The following KIRREL2 variants were observed in gnomAD, a reference collection of about 807,000 sequenced individuals.
The protein encoded by KIRREL2 is kirre like nephrin family adhesion molecule 2.
A neutral mutation model predicts 73.4 loss-of-function variants in KIRREL2; 56 were observed. The observed-to-expected ratio is 0.76, with a 90% CI of 0.62 to 0.95. The LOEUF (loss-of-function observed/expected upper bound fraction) is 0.95, where lower values mean the gene tolerates loss of function less well. KIRREL2 is among the 40% of genes least tolerant of loss of function. The pLI is 0.00. For missense variants in KIRREL2, 896 were observed against 935.0 expected (o/e 0.96, Z 0.54); for synonymous variants, 407 against 404.0 (o/e 1.01, Z -0.09).
Position 35,866,806 on chromosome 19 carries a change from A to C in KIRREL2, c.*314A>C. 8.1e-6 allele frequency: 4 copies of C among 495,318 alleles called. No homozygotes were observed. Among genetic ancestry groups the C allele is most frequent in the Non-Finnish European group, 1.4e-5 (4 of 284,282 alleles). The allele number at this position is 495,318 out of a possible 1,614,324, so 30.7% of individuals were successfully genotyped here. ...TGTTGGGAGTTTGGGGCCGGGATGGAAGTTGTTTCTAGCCACTGAAAGAAG... is the reference window on the plus strand; with the variant it reads ...TGTTGGGAGTTTGGGGCCGGGATGGCAGTTGTTTCTAGCCACTGAAAGAAG... On this transcript the variant is annotated 3_prime_UTR_variant, in exon 15 of 15. Transcript: ENST00000360202.
chr19:35,860,934 G>T lies in KIRREL2; in HGVS notation c.954G>T (p.Pro318=). Reference sequence around the variant, plus strand: ...TTGGGCCGATTCTGCAGGCAAAGCCGGAGCCCGTGTCCGTGGACGTGGGGG... The same window carrying T: ...TTGGGCCGATTCTGCAGGCAAAGCCTGAGCCCGTGTCCGTGGACGTGGGGG... The part of the protein sequence containing the change: ...VLFGPILQAK[P]EPVSVDVGED... Residue 318 remains proline, a synonymous_variant, in exon 8 of 15, where the codon CCG becomes CCT. Transcript: ENST00000360202. 6.2e-7 allele frequency: 1 copy of T among 1,613,812 alleles called. No individual in the cohort carries two copies. The highest frequency in any genetic ancestry group is 1.1e-5 in the South Asian group (1 of 91,066).
At chr19:35,865,332 G>A (rs976900675) in intron 14 of KIRREL2, among the ~76,000 whole-genome samples, 2 of 151,866 alleles carry the variant, frequency 1.3e-5, no homozygotes, top group Non-Finnish European at 2.9e-5. Context: ...TGTATTTTTA[G>A]TAGAGATGGA....
chr19:35,864,288 C>G (rs1376495631), intron 13 of KIRREL2, among the ~76,000 whole-genome samples: 1 of 152,132 alleles, frequency 6.6e-6, no homozygotes, highest in East Asian at 1.9e-4. Flanking sequence ...CCTCCCAGTT[C>G]AAGTGATTCT....
At chr19:35,861,670 C>G (rs751789630) in intron 10 of KIRREL2, 29 bp downstream of exon 10, 3 of 1,605,004 alleles carry the variant, frequency 1.9e-6, no homozygotes, top group Non-Finnish European at 1.7e-6. Flanking sequence ...TCCCGTGACC[C>G]ATCCAGCCGT....
Position 35,862,018 on chromosome 19 carries a change from C to G in KIRREL2, c.1504C>G (p.Arg502Gly), listed in dbSNP as rs201818071. The G allele has an allele frequency of 6.2e-7, 1 of 1,606,866 alleles. No homozygotes were observed. The highest frequency in any genetic ancestry group is 8.5e-7 in the Non-Finnish European group (1 of 1,177,100). ...GGGAGGTGCCCAGGCCAGCCTGGGC[C>G]GTAGAGGTGAGACCCCAGCCCGAAG... The part of the protein sequence containing the change: ...GEGGAQASLG[R>G]RDLLPTVRIV... The change falls in exon 11 of 15, where the codon CGT becomes GGT. Residue 502 changes from arginine (R) to glycine (G), a missense_variant. Transcript: ENST00000360202.
chr19:35,859,076 T>G (rs886931454), intron 4 of KIRREL2, among the ~76,000 whole-genome samples: 7 of 152,188 alleles, frequency 4.6e-5, no homozygotes, highest in Non-Finnish European at 1.0e-4. Flanking sequence ...TGATCTTGAG[T>G]AAGTTAGTTA....
chr19:35,861,701 G>C, intron 10 of KIRREL2, 60 bp downstream of exon 10: 2 of 1,588,746 alleles, frequency 1.3e-6, no homozygotes, highest in Non-Finnish European at 1.7e-6. Context: ...CTCCCACCTG[G>C]CCCCCCGAAA....
upstream of KIRREL2, chr19:35,851,821 G>A (rs150180768): frequency 2.7e-5 from 42 of 1,552,062 alleles, no homozygotes; most frequent in Admixed American, 2.7e-4. Context: ...AGCCCTGAGC[G>A]TCGTCCCCAG....
rs983354266 is a variant in KIRREL2 at position 35,861,235 on chromosome 19, G to A, written c.1170G>A (p.Glu390=). Residue 390 remains glutamate (E), a synonymous_variant, in exon 9 of 15, where the codon GAG becomes GAA. Transcript: ENST00000360202. ...GLSGLRGGAA[E]ARLTVNAPPV... is the part of the protein sequence containing the mutation. ...CGGGCCTGCGGGGCGGCGCCGCGGA[G>A]GCTCGGCTGACTGTGAACGGTGAGA... is the stretch of plus-strand genomic sequence containing the variant. 9.8e-6 allele frequency: 15 copies of A among 1,534,088 alleles called. No homozygotes were observed. The highest frequency in any genetic ancestry group is 1.3e-5 in the Non-Finnish European group (15 of 1,150,148).
At position 35,860,297 on chromosome 19, in the gene KIRREL2, A is replaced by T; in HGVS notation, c.674A>T (p.Tyr225Phe). The T allele has an allele frequency of 6.2e-7, 1 of 1,612,926 alleles. No homozygotes were observed. Among genetic ancestry groups the T allele is most frequent in the Non-Finnish European group, 8.5e-7 (1 of 1,179,594 alleles). ...RDTAITLSLQ[Y>F]PPEVTLSASP... ...TCTGACCATTGTCCCACCCTCACAG[A>T]CCCCCCAGAGGTGACTCTGTCTGCT... The change falls in exon 6 of 15, where the codon TAC becomes TTC. Residue 225 changes from tyrosine to phenylalanine, a missense_variant and splice_region_variant. By Grantham distance (22) the Tyr-to-Phe change is conservative. Coordinates refer to ENST00000360202, the MANE Select transcript of KIRREL2 (RefSeq NM_199180.4).
At chr19:35,860,814 C>A in intron 7 of KIRREL2, 95 bp from the exon 8 acceptor site, 1 of 1,597,440 alleles carries the variant, frequency 6.3e-7, no homozygotes, top group Non-Finnish European at 8.5e-7. Flanking sequence ...TATTCTTGCG[C>A]CCTAGAGGGT....
At chr19:35,858,665 A>G in intron 3 of KIRREL2, 39 bp from the exon 4 acceptor site, 1 of 1,611,068 alleles carries the variant, frequency 6.2e-7, no homozygotes, top group South Asian at 1.1e-5. Flanking sequence ...GGAGCTGAGA[A>G]GATCAGGATC....
At chr19:35,855,656 T>TACACACACACAC (rs57458964), upstream of KIRREL2, among the ~76,000 whole-genome samples, 92 of 84,920 alleles carry the variant, frequency 1.1e-3, 1 homozygote, top group Non-Finnish European at 1.6e-3. Flanking sequence ...CACCTCCCCA[T>TACACACACACAC]ACACACACAC....
upstream of KIRREL2, chr19:35,856,731 A>C: frequency 5.6e-6 from 2 of 358,782 alleles, no homozygotes; most frequent in East Asian, 7.6e-5. The surrounding 1 kb of genome is among the most constrained non-coding windows in gnomAD (Gnocchi z 5.9). Flanking sequence ...CCTCGAACCC[A>C]GGTGTTCCGG....
At position 35,866,357 on chromosome 19, in the gene KIRREL2, A is replaced by G; in HGVS notation, c.1992A>G (p.Thr664=). The G allele has an allele frequency of 6.2e-7, 1 of 1,607,788 alleles. No homozygotes were observed. Among genetic ancestry groups the G allele is most frequent in the Non-Finnish European group, 8.5e-7 (1 of 1,177,800 alleles). The change falls in exon 15 of 15, where the codon ACA becomes ACG. Residue 664 remains threonine, a synonymous_variant. Coordinates refer to ENST00000360202, the MANE Select transcript of KIRREL2 (RefSeq NM_199180.4). ...GAGCCAGGGCAGGCTATCTCACCAC[A>G]CCCCACCCTCGAGCTTTCACCAGCT... ...LYRARAGYLT[T]PHPRAFTSYI... is the part of the protein sequence containing the mutation.
chr19:35,862,618 C>G (rs1349391183), intron 12 of KIRREL2, 21 bp downstream of exon 12: 1 of 1,570,550 alleles, frequency 6.4e-7, no homozygotes. Context: ...GAGCCCCGCC[C>G]CGGCTCCCGA....
Position 35,862,550 on chromosome 19 carries a change from TTA to T in KIRREL2, c.1570_1571del (p.Met524GlyfsTer41). The T allele has an allele frequency of 6.2e-7, 1 of 1,610,518 alleles. No homozygotes were observed. ...GTGGCCGCTGCCACCACAACTCTCCTTATGGTCATCACTGGGGTGGCCCTCTG... is the reference window on the plus strand; with the variant it reads ...GTGGCCGCTGCCACCACAACTCTCCTTGGTCATCACTGGGGTGGCCCTCTG... On this transcript the variant is annotated frameshift_variant, in exon 12 of 15. Transcript: ENST00000360202. LOFTEE classifies it high-confidence loss of function.
chr19:35,861,004 C>T lies in KIRREL2; in HGVS notation c.1024C>T (p.Arg342Trp), dbSNP rs73928338. The change falls in exon 8 of 15, where the codon CGG becomes TGG. Residue 342 changes from arginine (R) to tryptophan (W), a missense_variant. Arg to Trp is a moderately radical substitution (Grantham distance 101). Transcript: ENST00000360202. ...SCAWRGNPLP[R>W]VTWTRRGGAQ... is the part of the protein sequence containing the mutation. ...CGCCTGGCGCGGGAACCCGCTTCCA[C>T]GGGTAACCTGGACCCGCCGCGGTGG... The T allele has an allele frequency of 1.2e-6, 2 of 1,612,292 alleles. No individual in the cohort carries two copies. The highest frequency in any genetic ancestry group is 2.2e-5 in the East Asian group (1 of 44,844).
In KIRREL2 at chr19:35,858,569, G is replaced by T. The variant is rs370828675; in HGVS notation, c.361+12G>T. On this transcript the variant is annotated intron_variant, in intron 3 of 14. Coordinates refer to ENST00000360202, the MANE Select transcript of KIRREL2 (RefSeq NM_199180.4). ...ACTGCACGTGCTGGGTAAGGACCTC[G>T]CCCACTTGTCCCCTGGGAGCCCAAG... 4.3e-6 allele frequency: 7 copies of T among 1,613,494 alleles called. No individual in the cohort carries two copies. The highest frequency in any genetic ancestry group is 3.3e-4 in the Middle Eastern group (2 of 6,076).
Sources: allele counts gnomAD v4.1 joint callset (sites outside exome capture counted in the v4.1 genomes callset), GRCh38; gene constraint gnomAD v4.1.1; non-coding constraint Gnocchi (gnomAD v3.1); transcripts MANE v1.5; gene names NCBI Gene and HGNC (gene_info 2026-07-23, HGNC 2026-07-21).